Variants in TEDC1 observed in about 807,000 individuals in gnomAD.
The protein encoded by TEDC1 is tubulin epsilon and delta complex 1.
A neutral mutation model predicts 59.9 loss-of-function variants in TEDC1; 54 were observed. That is an observed-to-expected ratio of 0.90 (90% CI 0.72 to 1.13). The LOEUF is 1.13. TEDC1 is among the 50% of genes most tolerant of loss of function. The pLI, the probability that TEDC1 is intolerant of heterozygous loss-of-function variation, is 0.00. For synonymous variants in TEDC1, 353 were observed against 298.1 expected (o/e 1.18, Z -1.90); for missense variants, 734 against 683.4 (o/e 1.07, Z -0.83).
intron 4 of TEDC1, among the ~76,000 whole-genome samples, chr14:105,493,150 G>T (rs1244347269): frequency 6.6e-6 from 1 of 152,088 alleles, no homozygotes; most frequent in Admixed American, 6.5e-5. Flanking sequence ...GACAGCTCCT[G>T]TGGGGTCCTG....
Position 105,498,518 on chromosome 14 carries a change from C to G in TEDC1, c.1159-99C>G, listed in dbSNP as rs587643052. The G allele has an allele frequency of 2.3e-6, 3 of 1,311,944 alleles. No homozygotes were observed. The African/African-American group carries it at 4.5e-5, about 20-fold the overall frequency. The allele number at this position is 1,311,944 out of a possible 1,614,324, so 81.3% of individuals were successfully genotyped here. The stretch of plus-strand genomic sequence containing the variant: ...AAGAGCATGGGCGTTTCCCGCATGC[C>G]TGCAGCGCCTGCACCTGAGTCTGGG... On this transcript the variant is annotated intron_variant, in intron 8 of 8. Coordinates refer to ENST00000392523, the MANE Select transcript of TEDC1 (RefSeq NM_001367178.1).
Position 105,497,874 on chromosome 14 carries a change from A to T in TEDC1, c.1055A>T (p.Glu352Val). The T allele has an allele frequency of 6.4e-7, 1 of 1,562,098 alleles. No individual in the cohort carries two copies. ...SQPTFLPWVP[E>V]RGGGELDLVV... ...CCCACCTTCCTGCCCTGGGTCCCCG[A>T]GCGCGGGGGTGGCGAGTTGGACCTG... The change falls in exon 8 of 9, where the codon GAG becomes GTG. Residue 352 changes from glutamate to valine, a missense_variant. By Grantham distance (121) the Glu-to-Val change is moderately radical (BLOSUM62 -2). Transcript: ENST00000392523.
At position 105,492,662 on chromosome 14, in the gene TEDC1, G is replaced by T; in HGVS notation, c.513G>T (p.Leu171=). ...GPVDVRHVQW[L]MGKLRFRWRQ... is the part of the protein sequence containing the mutation. Reference sequence around the variant, plus strand: ...TGGATGTCCGCCATGTGCAGTGGCTGATGGGAAAGCTGCGGTTCCGGTGGC... The same window carrying T: ...TGGATGTCCGCCATGTGCAGTGGCTTATGGGAAAGCTGCGGTTCCGGTGGC... Residue 171 remains leucine (L), a synonymous_variant, in exon 4 of 9, where the codon CTG becomes CTT. Coordinates refer to ENST00000392523, the MANE Select transcript of TEDC1 (RefSeq NM_001367178.1). 6.5e-7 allele frequency: 1 copy of T among 1,545,164 alleles called. No individual in the cohort carries two copies.
intron 7 of TEDC1, 56 bp downstream of exon 7, chr14:105,497,499 T>A: frequency 6.6e-7 from 1 of 1,521,766 alleles, no homozygotes; most frequent in Non-Finnish European, 8.8e-7. Context: ...AGCCCCCAGG[T>A]GGGGCATTCG....
chr14:105,492,330 G>A (rs1477087181), intron 3 of TEDC1, 21 bp downstream of exon 3: 1 of 1,598,098 alleles, frequency 6.3e-7, no homozygotes, highest in East Asian at 2.2e-5. Context: ...GTGAGGGTGA[G>A]CTGAGCCAGC....
chr14:105,491,979 C>T, intron 2 of TEDC1, 128 bp from the exon 3 acceptor site: 2 of 1,030,800 alleles, frequency 1.9e-6, no homozygotes, highest in Non-Finnish European at 2.8e-6. Flanking sequence ...TCTAGCTCTC[C>T]CACTATCATC....
chr14:105,499,014 A>C lies in TEDC1; in HGVS notation c.*68A>C. On this transcript the variant is annotated 3_prime_UTR_variant, in exon 9 of 9. Transcript: ENST00000392523. Reference sequence around the variant, plus strand: ...CAGCCTGGCTGGGTCTTGGAGGAGCAGATTCCAAGGCCAGGTGGCCGCAGG... The same window carrying C: ...CAGCCTGGCTGGGTCTTGGAGGAGCCGATTCCAAGGCCAGGTGGCCGCAGG... The C allele has an allele frequency of 1.4e-6, 2 of 1,472,356 alleles. No homozygotes were observed. Among genetic ancestry groups the C allele is most frequent in the South Asian group, 2.7e-5 (2 of 74,572 alleles). 91.2% of individuals were successfully genotyped at this position (1,472,356 alleles called of 1,614,324 possible).
upstream of TEDC1, chr14:105,490,161 G>T (rs587748162): frequency 7.9e-6 from 1 of 126,842 alleles, no homozygotes; most frequent in African/African-American, 4.1e-5. Flanking sequence ...GGGGCTTGCT[G>T]GGGGGGGGGC....
intron 5 of TEDC1, chr14:105,494,198 T>C (rs1424863954): frequency 1.5e-5 from 8 of 544,184 alleles, no homozygotes; most frequent in Non-Finnish European, 2.7e-5. Flanking sequence ...GAGCCTGGGC[T>C]GGGCAGGCAG....
At chr14:105,495,558 G>A in intron 5 of TEDC1, 1 of 295,384 alleles carries the variant, frequency 3.4e-6, no homozygotes, top group South Asian at 5.3e-5. Context: ...TGTGTCCCTG[G>A]CTGAAGCCGG....
Position 105,499,209 on chromosome 14 carries a change from A to C in TEDC1, c.*263A>C, listed in dbSNP as rs587707225. 937 of 551,644 alleles carry C rather than the reference A, an allele frequency of 1.7e-3. 2 individuals carry two copies. Among genetic ancestry groups the C allele is most frequent in the Middle Eastern group, 0.015 (32 of 2,084 alleles). 34.2% of individuals were successfully genotyped at this position (551,644 alleles called of 1,614,324 possible). ...GTGGTCTGGAGGGGACTCGGAAATA[A>C]ATTGTAGCAGCTTTCCTGCCGCTGG... On this transcript the variant is annotated 3_prime_UTR_variant, in exon 9 of 9. Coordinates refer to ENST00000392523, the MANE Select transcript of TEDC1 (RefSeq NM_001367178.1).
chr14:105,496,135 T>A (rs1555440413), intron 6 of TEDC1, 49 bp downstream of exon 6: 6 of 33,760 alleles, frequency 1.8e-4, no homozygotes, highest in Admixed American at 8.5e-4. Flanking sequence ...GACTTGGGGG[T>A]GGGTGGGAGG....
Position 105,493,829 on chromosome 14 carries a change from T to C in TEDC1, c.586-6T>C, listed in dbSNP as rs1307797194. ...CTCAGCCTGGGGTCTGCACTACCTG[T>C]TTTAGATCCACCTGTACACACGCGG... On this transcript the variant is annotated splice_region_variant and splice_polypyrimidine_tract_variant and intron_variant, in intron 4 of 8. Coordinates refer to ENST00000392523, the MANE Select transcript of TEDC1 (RefSeq NM_001367178.1). 7.5e-6 allele frequency: 12 copies of C among 1,604,062 alleles called. No individual in the cohort carries two copies. The highest frequency in any genetic ancestry group is 9.3e-6 in the Non-Finnish European group (11 of 1,177,246).
intron 5 of TEDC1, chr14:105,494,563 A>T (rs2084301484): frequency 6.5e-6 from 1 of 154,410 alleles, no homozygotes. Context: ...CTGTGGTCCC[A>T]GGCAGATCCT....
upstream of TEDC1, chr14:105,491,008 G>A (rs1488767126): frequency 2.6e-6 from 4 of 1,547,514 alleles, no homozygotes; most frequent in East Asian, 2.4e-5. Context: ...AAGTGGGTCC[G>A]CACGAGACAG....
chr14:105,490,823 A>C (rs2141780254), upstream of TEDC1: 1 of 620,376 alleles, frequency 1.6e-6, no homozygotes. Context: ...GCGGCCCCAC[A>C]GGGCGCCTTC....
chr14:105,491,395 G>T lies in TEDC1; in HGVS notation c.20G>T (p.Arg7Leu). The T allele has an allele frequency of 2.1e-6, 3 of 1,419,602 alleles. No individual in the cohort carries two copies. Among genetic ancestry groups the T allele is most frequent in the South Asian group, 3.0e-5 (2 of 65,990 alleles). 87.9% of individuals were successfully genotyped at this position (1,419,602 alleles called of 1,614,324 possible). A position where few individuals can be genotyped will look rare whatever the true frequency, so the allele number is the denominator to read the frequency against. Residue 7 changes from arginine (R) to leucine (L), a missense_variant, in exon 1 of 9, where the codon CGG becomes CTG. Physicochemically the swap from Arg to Leu is moderately radical, Grantham distance 102. Transcript: ENST00000392523. Reference sequence around the variant, plus strand: ...GGCTGCATGGGGAGGCGGCGGCAGCGGGTGGACCCCGCGGCTGGGGCCCGG... The same window carrying T: ...GGCTGCATGGGGAGGCGGCGGCAGCTGGTGGACCCCGCGGCTGGGGCCCGG... MGRRRQRVDPAAGARAG... is the reference protein window; with the variant it reads MGRRRQLVDPAAGARAG...
intron 6 of TEDC1, chr14:105,497,071 G>C (rs1195671378): frequency 3.8e-6 from 2 of 531,030 alleles, no homozygotes; most frequent in African/African-American, 3.9e-5. Context: ...GATGTCCTCA[G>C]AGCCGGGGGG....
At chr14:105,493,712 G>A (rs1210265570) in intron 4 of TEDC1, 123 bp from the exon 5 acceptor site, 1 of 696,868 alleles carries the variant, frequency 1.4e-6, no homozygotes, top group African/African-American at 1.8e-5. Context: ...GGCTTTCTCT[G>A]AGCCCTCTTT....
Sources: allele counts gnomAD v4.1 joint callset (sites outside exome capture counted in the v4.1 genomes callset), GRCh38; gene constraint gnomAD v4.1.1; transcripts MANE v1.5; gene names NCBI Gene and HGNC (gene_info 2026-07-23, HGNC 2026-07-21).